The following FMN1 variants were observed in gnomAD, a reference collection of about 807,000 sequenced individuals.
FMN1 encodes the protein formin 1, also known as formin-1.
A neutral mutation model predicts 132.4 loss-of-function variants in FMN1; 110 were observed. The ratio of observed to expected loss-of-function variants is 0.83; its 90% CI spans 0.71 to 0.97. The LOEUF (loss-of-function observed/expected upper bound fraction) is 0.97. FMN1 is among the 50% of genes least tolerant of loss of function. FMN1 has a pLI of 0.00. For missense variants in FMN1, 1,792 were observed against 1,705.3 expected (o/e 1.05, Z -0.90); for synonymous variants, 722 against 651.7 (o/e 1.11, Z -1.64).
Position 32,857,111 on chromosome 15 carries a change from T to G in FMN1, c.3836-4A>C. The G allele has an allele frequency of 6.2e-7, 1 of 1,609,668 alleles. No homozygotes were observed. The highest frequency in any genetic ancestry group is 8.5e-7 in the Non-Finnish European group (1 of 1,176,028). ...ACCACCATCTGTTTCTCACTTGCTG[T>G]GAAGAGAAATTTAGAATTAGACTTA... is the stretch of plus-strand genomic sequence containing the variant. On this transcript the variant is annotated splice_polypyrimidine_tract_variant and splice_region_variant and intron_variant, in intron 16 of 20. Coordinates refer to ENST00000616417, the MANE Select transcript of FMN1 (RefSeq NM_001277313.2).
intron 19 of FMN1, among the ~76,000 whole-genome samples, chr15:32,782,196 A>G (rs2056687369): frequency 6.6e-6 from 1 of 152,226 alleles, no homozygotes; most frequent in Non-Finnish European, 1.5e-5. Context: ...ACTTAGGGAC[A>G]ACGAGCAGGA....
At chr15:33,171,644 T>A (rs530478710) in intron 3 of FMN1, among the ~76,000 whole-genome samples, 2 of 151,946 alleles carry the variant, frequency 1.3e-5, no homozygotes, top group African/African-American at 4.8e-5. Flanking sequence ...AACTATGGGT[T>A]TTTTTTTAAA....
chr15:33,089,055 CAT>C (rs2038809607), intron 4 of FMN1, 81 bp from the exon 5 acceptor site: 2 of 1,168,106 alleles, frequency 1.7e-6, no homozygotes, highest in Non-Finnish European at 1.2e-6. Context: ...GGAACTCCTA[CAT>C]AGACTTCTCT....
At chr15:32,976,352 A>T (rs904974602) in intron 7 of FMN1, among the ~76,000 whole-genome samples, 5 of 152,224 alleles carry the variant, frequency 3.3e-5, no homozygotes, top group Admixed American at 6.5e-5. Context: ...CAGTTCTTAC[A>T]GAATGCTTAG....
At chr15:33,017,135 A>G (rs2035096691) in intron 6 of FMN1, among the ~76,000 whole-genome samples, 1 of 127,530 alleles carries the variant, frequency 7.8e-6, no homozygotes, top group South Asian at 3.2e-4. Context: ...TTAAAGCATA[A>G]TTTAAAAAAA....
At chr15:33,000,256 C>T (rs1314148717) in intron 7 of FMN1, among the ~76,000 whole-genome samples, 1 of 151,968 alleles carries the variant, frequency 6.6e-6, no homozygotes, top group African/African-American at 2.4e-5. Context: ...AAGACTATGC[C>T]GGCTAACACG....
intron 17 of FMN1, among the ~76,000 whole-genome samples, chr15:32,815,170 C>T (rs1212158312): frequency 6.6e-6 from 1 of 152,142 alleles, no homozygotes; most frequent in African/African-American, 2.4e-5. Context: ...TCTCGATCTC[C>T]TGACCTCGTG....
chr15:32,986,721 G>C (rs974140984), intron 7 of FMN1, among the ~76,000 whole-genome samples: 1 of 151,990 alleles, frequency 6.6e-6, no homozygotes, highest in African/African-American at 2.4e-5. Flanking sequence ...AGAATAACTT[G>C]GAAAAGATCA....
intron 4 of FMN1, among the ~76,000 whole-genome samples, chr15:33,092,917 C>T (rs997897315): frequency 6.6e-6 from 1 of 152,206 alleles, no homozygotes; most frequent in African/African-American, 2.4e-5. Context: ...ACTCATGGCA[C>T]ACCCATTTAC....
intron 9 of FMN1, among the ~76,000 whole-genome samples, chr15:32,952,203 T>C (rs924391265): frequency 2.0e-5 from 3 of 152,234 alleles, no homozygotes; most frequent in African/African-American, 7.2e-5. Flanking sequence ...AACATCATCA[T>C]GGCCAAGCCT....
At chr15:33,050,147 G>A (rs1056043823) in intron 6 of FMN1, among the ~76,000 whole-genome samples, 2 of 152,212 alleles carry the variant, frequency 1.3e-5, no homozygotes, top group African/African-American at 4.8e-5. Flanking sequence ...TGGCTAAGGT[G>A]ATGTTCAGTA....
intron 11 of FMN1, among the ~76,000 whole-genome samples, chr15:32,909,881 TAA>T (rs36044117): frequency 1.4e-5 from 2 of 146,158 alleles, no homozygotes; most frequent in African/African-American, 5.0e-5. Flanking sequence ...CTCATTTGAC[TAA>T]AAAAAAAAAA....
At chr15:33,152,026 T>C (rs1964459100) in intron 4 of FMN1, among the ~76,000 whole-genome samples, 1 of 152,326 alleles carries the variant, frequency 6.6e-6, no homozygotes, top group East Asian at 1.9e-4. Flanking sequence ...ATTTTTTATC[T>C]CAAAAATTGC....
At chr15:33,021,446 T>TGC (rs1555383295) in intron 6 of FMN1, among the ~76,000 whole-genome samples, 86 of 151,454 alleles carry the variant, frequency 5.7e-4, no homozygotes, top group African/African-American at 2.0e-3. Flanking sequence ...TCTCTATGCA[T>TGC]ACACACACAC....
chr15:32,921,920 G>A (rs1420374589), intron 10 of FMN1, among the ~76,000 whole-genome samples: 1 of 152,030 alleles, frequency 6.6e-6, no homozygotes, highest in African/African-American at 2.4e-5. Context: ...CAATCCACCT[G>A]CCTTGGCCTC....
At chr15:33,119,999 A>C (rs1338349992) in intron 4 of FMN1, among the ~76,000 whole-genome samples, 1 of 152,162 alleles carries the variant, frequency 6.6e-6, no homozygotes, top group Admixed American at 6.5e-5. Flanking sequence ...CAGGAATGCG[A>C]TGGTAAGGAT....
intron 7 of FMN1, among the ~76,000 whole-genome samples, chr15:33,000,148 G>T (rs1477308708): frequency 6.6e-6 from 1 of 152,152 alleles, no homozygotes; most frequent in Non-Finnish European, 1.5e-5. Context: ...GTAACTAAAA[G>T]GTTAAAAACG....
In FMN1 at chr15:32,916,315, A is replaced by C. The variant is rs544659154; in HGVS notation, c.3227-5780T>G. On this transcript the variant is annotated intron_variant, in intron 10 of 20. Transcript: ENST00000616417. The stretch of plus-strand genomic sequence containing the variant: ...CTCCAGCCATTTTTCAACCCTGAAC[A>C]CTTCTCTCTCCAAGTGTACCATGCC... Among the ~76,000 whole-genome samples, 11 of 152,304 alleles carry C rather than the reference A, an allele frequency of 7.2e-5. No homozygotes were observed. In the South Asian group the frequency reaches 2.3e-3, roughly 32 times the overall value.
rs2056145315 is a variant in FMN1, at chr15:32,769,160, C to T, written c.*5150G>A. On this transcript the variant is annotated 3_prime_UTR_variant, in exon 21 of 21. Transcript: ENST00000616417. ...GGCTTAAGAGACAGTTAGCCAGCTG[C>T]CATTTTAATATCTTCATGTTTCCAA... 2 of 152,286 alleles carry T rather than the reference C, an allele frequency of 1.3e-5. No individual in the cohort carries two copies. Among genetic ancestry groups the T allele is most frequent in the South Asian group, 4.2e-4 (2 of 4,816 alleles). 9.4% of individuals were successfully genotyped at this position (152,286 alleles called of 1,614,324 possible).
Sources: gnomAD v4.1 joint callset for allele counts (sites outside exome capture counted in the v4.1 genomes callset) on GRCh38, gnomAD v4.1.1 for gene constraint, MANE v1.5 for transcripts, NCBI Gene and HGNC (gene_info 2026-07-23, HGNC 2026-07-21) for gene names.